Variants in EFNA5 observed in about 807,000 individuals in gnomAD.
EFNA5 encodes ephrin-A5.
Under a neutral mutation model 22.9 loss-of-function variants are expected in EFNA5, and 5 were observed. That is an observed-to-expected ratio of 0.22 (90% CI 0.11 to 0.46). The LOEUF (loss-of-function observed/expected upper bound fraction) is 0.46, where lower values mean the gene tolerates loss of function less well. Among genes scored for constraint, EFNA5 ranks in the 20% least tolerant of loss-of-function variants. The probability of loss-of-function intolerance (pLI) is 0.99; values close to 1 mark genes in which losing one functional copy is unlikely to be tolerated. For synonymous variants in EFNA5, 113 were observed against 112.2 expected, an observed-to-expected ratio of 1.01 and a Z score of -0.04; for missense variants, 237 against 293.3, an observed-to-expected ratio of 0.81 and a Z score of 1.40.
chr5:107,480,885 C>T (rs1750440675), intron 1 of EFNA5, among the ~76,000 whole-genome samples: 1 of 145,828 alleles, frequency 6.9e-6, no homozygotes, highest in Non-Finnish European at 1.5e-5. Flanking sequence ...AGAAGGAGAA[C>T]TTGGAAATAA....
At chr5:107,588,308 AG>A (rs1262886213) in intron 1 of EFNA5, among the ~76,000 whole-genome samples, 5 of 152,012 alleles carry the variant, frequency 3.3e-5, no homozygotes, top group Non-Finnish European at 5.9e-5. Flanking sequence ...CATAACTAGA[AG>A]GCCCATTCTA....
At chr5:107,439,929 T>A (rs1344590093) in intron 1 of EFNA5, among the ~76,000 whole-genome samples, 1 of 152,206 alleles carries the variant, frequency 6.6e-6, no homozygotes, top group East Asian at 1.9e-4. Context: ...ACGAGGTACT[T>A]TGTTAACACC....
At chr5:107,640,979 GATA>G (rs59055860) in intron 1 of EFNA5, among the ~76,000 whole-genome samples, 13,705 of 118,112 alleles carry the variant, frequency 0.12, 825 homozygotes, top group Non-Finnish European at 0.16. Context: ...TAGGCAGGTA[GATA>G]GATAGATAGA....
rs1367668987 is a variant in EFNA5, at chr5:107,452,770, T to C, written c.126-25261A>G. On this transcript the variant is annotated intron_variant, in intron 1 of 4. Coordinates refer to ENST00000333274, the MANE Select transcript of EFNA5 (RefSeq NM_001962.3). ...AACTCTTGTATACAACAAATTATTA[T>C]ATCTTATGTTTTAAACCTTTAAAGA... Among the ~76,000 whole-genome samples the C allele has an allele frequency of 2.6e-5, 4 of 152,206 alleles. No individual in the cohort carries two copies. In the East Asian group the frequency reaches 7.7e-4, roughly 29 times the overall value.
chr5:107,410,022 C>CTTTTTTTT (rs70996956), intron 2 of EFNA5, among the ~76,000 whole-genome samples: 1 of 88,002 alleles, frequency 1.1e-5, no homozygotes, highest in Non-Finnish European at 2.2e-5. Context: ...TGACATGATT[C>CTTTTTTTT]TTTTTTTTTT....
intron 1 of EFNA5, among the ~76,000 whole-genome samples, chr5:107,618,771 A>G (rs1749974749): frequency 6.6e-6 from 1 of 152,354 alleles, no homozygotes; most frequent in African/African-American, 2.4e-5. Context: ...TTAATGGAAT[A>G]CACAACTTGG....
At chr5:107,567,879 C>CT (rs1561435235) in intron 1 of EFNA5, among the ~76,000 whole-genome samples, 1 of 152,116 alleles carries the variant, frequency 6.6e-6, no homozygotes, top group Non-Finnish European at 1.5e-5. Context: ...CATTCAAGTT[C>CT]TTTTTTGTTA....
chr5:107,576,206 C>A (rs1023956538), intron 1 of EFNA5, among the ~76,000 whole-genome samples: 17 of 152,170 alleles, frequency 1.1e-4, no homozygotes, highest in Admixed American at 9.8e-4. Flanking sequence ...CCATTTCCAT[C>A]ATCATTATCA....
chr5:107,495,188 G>A (rs1273676596), intron 1 of EFNA5, among the ~76,000 whole-genome samples: 1 of 151,994 alleles, frequency 6.6e-6, no homozygotes, highest in African/African-American at 2.4e-5. Context: ...CACTCTTTGG[G>A]TCCACACTGC....
intron 2 of EFNA5, among the ~76,000 whole-genome samples, chr5:107,398,093 G>T (rs1193287020): frequency 1.3e-5 from 2 of 152,094 alleles, no homozygotes; most frequent in Non-Finnish European, 2.9e-5. Flanking sequence ...GAATGCAGGG[G>T]TGCAATCAGG....
intron 1 of EFNA5, among the ~76,000 whole-genome samples, chr5:107,626,231 T>C (rs755814801): frequency 1.3e-5 from 2 of 152,208 alleles, no homozygotes; most frequent in East Asian, 3.9e-4. Context: ...TCACAAGTCA[T>C]CATCCTAGCA....
Position 107,380,700 on chromosome 5 carries a change from C to T in EFNA5, c.*555G>A, listed in dbSNP as rs2112481429. ...TTTTAGAAGCCTGTTCATTTACATA[C>T]TCCTATAGGAAATGGTGTAATATCG... On this transcript the variant is annotated 3_prime_UTR_variant, in exon 5 of 5. Coordinates refer to ENST00000333274, the MANE Select transcript of EFNA5 (RefSeq NM_001962.3). The T allele has an allele frequency of 5.0e-6, 2 of 397,094 alleles. No homozygotes were observed. The highest frequency in any genetic ancestry group is 1.3e-4 in the South Asian group (1 of 7,828). 24.6% of individuals were successfully genotyped at this position (397,094 alleles called of 1,614,324 possible).
At chr5:107,591,552 G>A (rs1749325419) in intron 1 of EFNA5, among the ~76,000 whole-genome samples, 1 of 151,694 alleles carries the variant, frequency 6.6e-6, no homozygotes, top group Non-Finnish European at 1.5e-5. Context: ...GCCGGGTGCA[G>A]TGGCTCACAC....
intron 1 of EFNA5, among the ~76,000 whole-genome samples, chr5:107,519,751 G>T (rs931690554): frequency 1.3e-5 from 2 of 152,200 alleles, no homozygotes; most frequent in African/African-American, 4.8e-5. Flanking sequence ...GTGCTTAAGT[G>T]AATTTATTTG....
intron 1 of EFNA5, among the ~76,000 whole-genome samples, chr5:107,581,554 A>T (rs1302332564): frequency 4.6e-5 from 7 of 152,226 alleles, no homozygotes; most frequent in Non-Finnish European, 1.0e-4. Flanking sequence ...AGCCATCTAC[A>T]CTAGTGACCA....
intron 1 of EFNA5, among the ~76,000 whole-genome samples, chr5:107,661,423 C>T (rs926816619): frequency 1.3e-5 from 2 of 152,204 alleles, no homozygotes; most frequent in African/African-American, 2.4e-5. Context: ...GAATCAGTTT[C>T]AAGATCTCCA....
chr5:107,646,560 A>G (rs1750637451), intron 1 of EFNA5, among the ~76,000 whole-genome samples: 1 of 152,134 alleles, frequency 6.6e-6, no homozygotes, highest in Non-Finnish European at 1.5e-5. Flanking sequence ...ATACTGATTA[A>G]ACATGTTGGT....
intron 2 of EFNA5, among the ~76,000 whole-genome samples, chr5:107,421,631 C>T (rs1411414544): frequency 6.6e-6 from 1 of 152,034 alleles, no homozygotes; most frequent in Non-Finnish European, 1.5e-5. Context: ...ATCTTTCTAC[C>T]ATCTGATTCG....
intron 1 of EFNA5, among the ~76,000 whole-genome samples, chr5:107,652,962 G>C (rs1444671230): frequency 6.6e-6 from 1 of 151,472 alleles, no homozygotes; most frequent in Non-Finnish European, 1.5e-5. Flanking sequence ...ATTTCAAATG[G>C]CATATGGTTC....
Sources: gnomAD v4.1 joint callset for allele counts (sites outside exome capture counted in the v4.1 genomes callset) on GRCh38, gnomAD v4.1.1 for gene constraint, MANE v1.5 for transcripts, NCBI Gene and HGNC (gene_info 2026-07-23, HGNC 2026-07-21) for gene names.